The following PUM1 variants were observed in gnomAD, a reference collection of about 807,000 sequenced individuals.
PUM1 encodes the protein pumilio homolog 1.
Under a neutral mutation model 131.8 loss-of-function variants are expected in PUM1, and 13 were observed. The ratio of observed to expected loss-of-function variants is 0.10; its 90% confidence interval spans 0.06 to 0.16. The LOEUF (loss-of-function observed/expected upper bound fraction) is 0.16, where lower values mean the gene tolerates loss of function less well. Ranked by LOEUF, PUM1 falls within the 10% of genes least tolerant of loss-of-function variation. The probability of loss-of-function intolerance (pLI) is 1.00; values close to 1 mark genes in which losing one functional copy is unlikely to be tolerated. For synonymous variants in PUM1, 509 were observed against 556.5 expected, an observed-to-expected ratio of 0.91 and a Z score of 1.20; for missense variants, 961 against 1,512.4, an observed-to-expected ratio of 0.64 and a Z score of 6.05.
chr1:30,995,603 T>TA (rs1162775684), intron 5 of PUM1, among the ~76,000 whole-genome samples: 1 of 152,070 alleles, frequency 6.6e-6, no homozygotes, highest in Non-Finnish European at 1.5e-5. Context: ...TGACTCTTAA[T>TA]AAGCCCCAGG....
chr1:31,043,134 G>C (rs1249294056), intron 2 of PUM1, among the ~76,000 whole-genome samples: 1 of 152,114 alleles, frequency 6.6e-6, no homozygotes, highest in Non-Finnish European at 1.5e-5. Context: ...CCTTAAAAGT[G>C]GTATCTCCCT....
chr1:31,019,921 T>C (rs947899294), intron 3 of PUM1, among the ~76,000 whole-genome samples: 2 of 152,102 alleles, frequency 1.3e-5, no homozygotes, highest in African/African-American at 4.8e-5. Context: ...TTTTTTTTTT[T>C]AGATTCAGAG....
At chr1:31,031,286 T>G (rs1446243948) in intron 2 of PUM1, among the ~76,000 whole-genome samples, 1 of 152,230 alleles carries the variant, frequency 6.6e-6, no homozygotes, top group African/African-American at 2.4e-5. Flanking sequence ...GCTAGACATT[T>G]CTTGGAAATC....
In PUM1 at chr1:31,038,958, T is replaced by TATATATATA. The variant is rs1553152630; in HGVS notation, c.364-10095_364-10094insTATATATAT. Among the ~76,000 whole-genome samples, 111 of 43,904 alleles carry TATATATATA rather than the reference T, an allele frequency of 2.5e-3. 17 individuals are homozygous for TATATATATA. Among genetic ancestry groups the TATATATATA allele is most frequent in the South Asian group, 2.6e-3 (3 of 1,154 alleles). The allele number at this position is 43,904 out of a possible 152,430, so 28.8% of individuals were successfully genotyped here. A position where few individuals can be genotyped will look rare whatever the true frequency, so the allele number is the denominator to read the frequency against. On this transcript the variant is annotated intron_variant, in intron 2 of 21. Coordinates refer to ENST00000426105, the MANE Select transcript of PUM1 (RefSeq NM_001020658.2). The stretch of plus-strand genomic sequence containing the variant: ...TAGCCATTTAAAATGTTTTAAAATT[T>TATATATATA]TATATATATATATATATATATATAT...
chr1:31,029,740 C>A (rs181389132), intron 2 of PUM1, among the ~76,000 whole-genome samples: 1 of 151,968 alleles, frequency 6.6e-6, no homozygotes, highest in Admixed American at 6.6e-5. Context: ...GGGAACATGG[C>A]AAAATTCCCC....
intron 9 of PUM1, among the ~76,000 whole-genome samples, chr1:30,978,883 G>A (rs897027586): frequency 2.0e-5 from 3 of 152,158 alleles, no homozygotes; most frequent in Non-Finnish European, 2.9e-5. Flanking sequence ...AGGACTGCTT[G>A]AGCCCGAGAA....
rs117700667 is a variant in PUM1 at position 30,948,342 on chromosome 1, C to T, written c.2856+1785G>A. Among the ~76,000 whole-genome samples the T allele has an allele frequency of 5.1e-3, 776 of 152,094 alleles. 4 individuals carry two copies. Among genetic ancestry groups the T allele is most frequent in the East Asian group, 0.032 (166 of 5,180 alleles). On this transcript the variant is annotated intron_variant, in intron 17 of 21. Transcript: ENST00000426105. Reference sequence around the variant, plus strand: ...CCAACAAAGATGAGTTAATTTTACCCAAAATGGCAAATTTGCATCTAGAGA... The same window carrying T: ...CCAACAAAGATGAGTTAATTTTACCTAAAATGGCAAATTTGCATCTAGAGA...
chr1:31,017,357 A>G (rs1642854378), intron 3 of PUM1, among the ~76,000 whole-genome samples: 1 of 152,200 alleles, frequency 6.6e-6, no homozygotes, highest in Admixed American at 6.5e-5. Flanking sequence ...CACACCAATG[A>G]AGAAATGAAC....
chr1:31,022,871 G>A (rs529949099), intron 3 of PUM1, among the ~76,000 whole-genome samples: 7 of 152,178 alleles, frequency 4.6e-5, no homozygotes, highest in South Asian at 2.1e-4. Flanking sequence ...CCTATTGTAC[G>A]TGAAAGCTAC....
intron 7 of PUM1, among the ~76,000 whole-genome samples, chr1:30,989,571 C>CAAAAAA (rs1174565063): frequency 0.04 from 1,110 of 27,688 alleles, 131 homozygotes; most frequent in East Asian, 0.052. Context: ...GACTCCGTCT[C>CAAAAAA]AAAAAAAAAA....
At chr1:31,038,984 A>ATATATATATATATATATATATATTT in intron 2 of PUM1, among the ~76,000 whole-genome samples, 8 of 49,414 alleles carry the variant, frequency 1.6e-4, no homozygotes, top group African/African-American at 4.1e-4. Context: ...ATATATATAT[A>ATATATATATATATATATATATATTT]TTTTTTTTTT....
At chr1:31,047,472 CTAGA>C (rs1643996766) in intron 2 of PUM1, among the ~76,000 whole-genome samples, 1 of 152,212 alleles carries the variant, frequency 6.6e-6, no homozygotes, top group African/African-American at 2.4e-5. Context: ...GAGTGAATAA[CTAGA>C]TAGATTCTAA....
intron 8 of PUM1, 54 bp from the exon 9 acceptor site, chr1:30,980,217 A>G (rs577448955): frequency 1.4e-5 from 19 of 1,348,918 alleles, no homozygotes; most frequent in Non-Finnish European, 1.8e-5. Flanking sequence ...CTGCAGCCCT[A>G]TCAAATACCT....
At position 30,934,908 on chromosome 1, in the gene PUM1, C is replaced by T. The variant is rs117377010; in HGVS notation, c.3436-1566G>A. 5.1e-3 allele frequency among the ~76,000 whole-genome samples: 780 copies of T among 152,306 alleles called. 5 individuals are homozygous for T. Among genetic ancestry groups the T allele is most frequent in the East Asian group, 0.032 (168 of 5,180 alleles). On this transcript the variant is annotated intron_variant, in intron 21 of 21. Transcript: ENST00000426105. ...CAAGAAGTGAAACGTTAATTACCTG[C>T]TTCTCTCCTTATGTCCCTTTTGCTG...
At chr1:30,958,144 G>A (rs1450621400) in intron 14 of PUM1, among the ~76,000 whole-genome samples, 4 of 152,114 alleles carry the variant, frequency 2.6e-5, no homozygotes, top group African/African-American at 9.7e-5. Context: ...GACAGAGAAA[G>A]GTATTTTCTG....
chr1:30,992,724 A>G, intron 6 of PUM1, 64 bp from the exon 7 acceptor site: 1 of 1,427,524 alleles, frequency 7.0e-7, no homozygotes, highest in Non-Finnish European at 9.6e-7. Context: ...CAGCAACCCA[A>G]GTTTAAGGAC....
In PUM1 at chr1:30,967,233, G is replaced by C. The variant is rs376561717; in HGVS notation, c.1723C>G (p.Leu575Val). 1.2e-6 allele frequency: 2 copies of C among 1,614,094 alleles called. No individual in the cohort carries two copies. Among genetic ancestry groups the C allele is most frequent in the Non-Finnish European group, 1.7e-6 (2 of 1,180,008 alleles). Residue 575 changes from leucine (L) to valine (V), a missense_variant, in exon 12 of 22, where the codon CTT (leucine) becomes GTT (valine). Transcript: ENST00000426105. ...LVVNAGARNG[L>V]GAPVRLVAPA... ...GCTACAAGTCGAACAGGAGCTCCAAGACCATTTCTCGCGCCTGCATTCACT... is the reference window on the plus strand; with the variant it reads ...GCTACAAGTCGAACAGGAGCTCCAACACCATTTCTCGCGCCTGCATTCACT...
intron 21 of PUM1, 131 bp from the exon 22 acceptor site, chr1:30,933,473 CA>C: frequency 5.8e-6 from 5 of 860,134 alleles, no homozygotes; most frequent in Non-Finnish European, 9.2e-6. Flanking sequence ...CACACACACA[CA>C]CACACACACA....
chr1:30,999,373 G>A (rs1189348424), intron 5 of PUM1, among the ~76,000 whole-genome samples: 10 of 152,082 alleles, frequency 6.6e-5, no homozygotes, highest in East Asian at 3.9e-4. Context: ...TTGAGAGGCC[G>A]AGGCAGGCGG....
Sources: gnomAD v4.1 joint callset for allele counts (sites outside exome capture counted in the v4.1 genomes callset) on GRCh38, gnomAD v4.1.1 for gene constraint, MANE v1.5 for transcripts, NCBI Gene and HGNC (gene_info 2026-07-23, HGNC 2026-07-21) for gene names.